The following DCAF5 variants were observed in gnomAD, a reference collection of about 807,000 sequenced individuals.
DCAF5 encodes DDB1 and CUL4 associated factor 5, also known as DDB1- and CUL4-associated factor 5.
In DCAF5, 9 loss-of-function variants were observed where a neutral mutation model predicts 80.7. The ratio of observed to expected loss-of-function variants is 0.11; its 90% CI spans 0.07 to 0.19. DCAF5 has a LOEUF of 0.19. Ranked by LOEUF, DCAF5 falls within the 10% of genes least tolerant of loss-of-function variation. The pLI is 1.00. For missense variants in DCAF5, 842 were observed against 1,205.7 expected (o/e 0.70, Z 4.47); for synonymous variants, 433 against 461.9 (o/e 0.94, Z 0.80).
intron 7 of DCAF5, among the ~76,000 whole-genome samples, chr14:69,068,638 C>T (rs990525707): frequency 1.2e-4 from 17 of 145,058 alleles, no homozygotes; most frequent in Admixed American, 2.2e-4. Context: ...ACAGAAGTTG[C>T]GGTGAGCCGA....
intron 5 of DCAF5, among the ~76,000 whole-genome samples, chr14:69,114,047 A>AT (rs1210757033): frequency 1.1e-4 from 17 of 152,150 alleles, no homozygotes; most frequent in Non-Finnish European, 2.4e-4. Flanking sequence ...TCAAAACAAG[A>AT]TATCATTTTT....
chr14:69,152,989 CCGCCGCCGCCGCTCG>C lies in DCAF5; in HGVS notation c.-26_-12del, dbSNP rs770504201. 2.8e-5 allele frequency: 43 copies of C among 1,547,424 alleles called. No homozygotes were observed. Among genetic ancestry groups the C allele is most frequent in the Non-Finnish European group, 3.6e-5 (41 of 1,152,762 alleles). ...AGCTCTCCTCTTCATGCTGGAACCG[CCGCCGCCGCCGCTCG>C]CGCCGCCGCCCCTCCCTCGGCCTCA... On this transcript the variant is annotated 5_prime_UTR_variant, in exon 1 of 9. Transcript: ENST00000341516. The surrounding 1 kb of genome is among the most constrained non-coding windows in gnomAD (Gnocchi z 4.1).
chr14:69,131,427 CTG>C (rs35775535), intron 1 of DCAF5, among the ~76,000 whole-genome samples: 4,138 of 152,258 alleles, frequency 0.027, 89 homozygotes, highest in Non-Finnish European at 0.041. Context: ...GAGGCACAGT[CTG>C]TGTGACACAC....
At chr14:69,091,936 A>C in intron 5 of DCAF5, 49 bp from the exon 6 acceptor site, 9 of 1,497,378 alleles carry the variant, frequency 6.0e-6, no homozygotes, top group Non-Finnish European at 8.2e-6. Context: ...GCTAAACAAG[A>C]GTCTGAAAAA....
intron 1 of DCAF5, among the ~76,000 whole-genome samples, chr14:69,123,935 T>C (rs57084924): frequency 0.065 from 9,858 of 152,130 alleles, 1,067 homozygotes; most frequent in African/African-American, 0.23. Flanking sequence ...CCTGACCTCA[T>C]GATCCACCCA....
At chr14:69,146,519 C>T (rs1211660169) in intron 1 of DCAF5, among the ~76,000 whole-genome samples, 1 of 152,110 alleles carries the variant, frequency 6.6e-6, no homozygotes, top group Non-Finnish European at 1.5e-5. Flanking sequence ...TTCTTTCCCA[C>T]CAAATCTCAC....
chr14:69,089,044 T>A lies in DCAF5; in HGVS notation c.879+2630A>T, dbSNP rs1397701750. Among the ~76,000 whole-genome samples the A allele has an allele frequency of 3.3e-5, 5 of 152,334 alleles. No homozygotes were observed. The East Asian group carries it at 9.6e-4, about 29-fold the overall frequency. On this transcript the variant is annotated intron_variant, in intron 6 of 8. Transcript: ENST00000341516. Reference sequence around the variant, plus strand: ...ATTAGTTCCACTATAAATCCATTATTTAATTCATCCTCCTAATTGGATGAA... The same window carrying A: ...ATTAGTTCCACTATAAATCCATTATATAATTCATCCTCCTAATTGGATGAA...
intron 5 of DCAF5, 68 bp downstream of exon 5, chr14:69,116,294 TACTG>T: frequency 6.4e-7 from 1 of 1,550,624 alleles, no homozygotes; most frequent in Non-Finnish European, 8.8e-7. Flanking sequence ...TTACAACACT[TACTG>T]GCTGGTCACA....
At chr14:69,117,448 T>C (rs957275605) in intron 4 of DCAF5, among the ~76,000 whole-genome samples, 1 of 152,072 alleles carries the variant, frequency 6.6e-6, no homozygotes, top group African/African-American at 2.4e-5. Flanking sequence ...GATAGTAAAT[T>C]TAGGTACACA....
intron 1 of DCAF5, among the ~76,000 whole-genome samples, chr14:69,123,886 G>A (rs1027596527): frequency 1.3e-5 from 2 of 152,102 alleles, no homozygotes; most frequent in African/African-American, 4.8e-5. Flanking sequence ...TTTTAGTAGA[G>A]AAGGGGTTTC....
intron 6 of DCAF5, chr14:69,090,408 G>C (rs2039490020): frequency 6.6e-6 from 1 of 152,314 alleles, no homozygotes; most frequent in Admixed American, 6.5e-5. Context: ...GTGGTCTCCA[G>C]TATGGATCTC....
chr14:69,055,960 A>G lies in DCAF5; in HGVS notation c.1075-349T>C, dbSNP rs560683407. ...TTTCATCTATTAGTAGTTGGACATT[A>G]TAATAATAATCCTGGAGAATAGAGG... is the stretch of plus-strand genomic sequence containing the variant. On this transcript the variant is annotated intron_variant, in intron 8 of 8. Coordinates refer to ENST00000341516, the MANE Select transcript of DCAF5 (RefSeq NM_003861.3). The surrounding 1 kb of genome is among the most constrained non-coding windows in gnomAD (Gnocchi z 5.6). 3.9e-5 allele frequency among the ~76,000 whole-genome samples: 6 copies of G among 152,288 alleles called. No individual in the cohort carries two copies. The East Asian group carries it at 1.2e-3, about 29-fold the overall frequency.
chr14:69,066,624 C>T (rs922701849), intron 7 of DCAF5, among the ~76,000 whole-genome samples: 4 of 152,122 alleles, frequency 2.6e-5, no homozygotes, highest in African/African-American at 4.8e-5. Flanking sequence ...CACTTACTAC[C>T]GTAGGGGACC....
Position 69,055,864 on chromosome 14 carries a change from C to T in DCAF5, c.1075-253G>A, listed in dbSNP as rs1191154793. ...ACAGTATTAGCCTAGTGTCAAGAGA[C>T]CTACCTAAGTCCTGTCTCTTGGCCC... On this transcript the variant is annotated intron_variant, in intron 8 of 8. Transcript: ENST00000341516. The surrounding 1 kb of genome is among the most constrained non-coding windows in gnomAD (Gnocchi z 5.6). Among the ~76,000 whole-genome samples the T allele has an allele frequency of 6.6e-6, 1 of 152,146 alleles. No individual in the cohort carries two copies. The highest frequency in any genetic ancestry group is 6.5e-5 in the Admixed American group (1 of 15,280).
intron 7 of DCAF5, among the ~76,000 whole-genome samples, chr14:69,071,078 A>T (rs951953828): frequency 6.6e-6 from 1 of 152,214 alleles, no homozygotes; most frequent in Non-Finnish European, 1.5e-5. Context: ...GATTATAGGC[A>T]TGAGCCACTG....
chr14:69,076,524 A>G (rs2038904876), intron 6 of DCAF5, among the ~76,000 whole-genome samples: 1 of 152,256 alleles, frequency 6.6e-6, no homozygotes, highest in Non-Finnish European at 1.5e-5. Context: ...TAAATGAAAT[A>G]AGGCAGAAAC....
intron 7 of DCAF5, among the ~76,000 whole-genome samples, chr14:69,064,900 A>G (rs1196567232): frequency 6.6e-6 from 1 of 152,208 alleles, no homozygotes. Context: ...TAAGTATGTC[A>G]AAAGAAGACA....
intron 1 of DCAF5, among the ~76,000 whole-genome samples, chr14:69,151,068 T>C (rs1012586228): frequency 6.6e-6 from 1 of 152,204 alleles, no homozygotes; most frequent in Non-Finnish European, 1.5e-5. Context: ...GGGAGTTTTA[T>C]GAATACATAA....
chr14:69,132,998 C>T (rs775527263), intron 1 of DCAF5, among the ~76,000 whole-genome samples: 30 of 152,148 alleles, frequency 2.0e-4, no homozygotes, highest in Non-Finnish European at 2.9e-4. Context: ...TGGCCCAGTG[C>T]CTGATACATA....
Sources: allele counts gnomAD v4.1 joint callset (sites outside exome capture counted in the v4.1 genomes callset), GRCh38; gene constraint gnomAD v4.1.1; non-coding constraint Gnocchi (gnomAD v3.1); transcripts MANE v1.5; gene names NCBI Gene and HGNC (gene_info 2026-07-23, HGNC 2026-07-21).